NR1H4: variants seen among roughly 807,000 people sequenced by gnomAD.
The protein encoded by NR1H4 is bile acid receptor.
In NR1H4, 23 loss-of-function variants were observed where a neutral mutation model predicts 58.5. The observed-to-expected ratio is 0.39, with a 90% confidence interval of 0.28 to 0.56. The LOEUF (loss-of-function observed/expected upper bound fraction) is 0.56, where lower values mean the gene tolerates loss of function less well. NR1H4 is among the 20% of genes least tolerant of loss of function. The probability of loss-of-function intolerance (pLI) is 0.58; values close to 1 mark genes in which losing one functional copy is unlikely to be tolerated. For missense variants in NR1H4, 487 were observed against 576.9 expected, an observed-to-expected ratio of 0.84 and a Z score of 1.60; for synonymous variants, 214 against 198.0, an observed-to-expected ratio of 1.08 and a Z score of -0.68.
intron 4 of NR1H4, among the ~76,000 whole-genome samples, chr12:100,523,416 T>G (rs1386864034): frequency 2.0e-5 from 3 of 152,200 alleles, no homozygotes; most frequent in Admixed American, 6.5e-5. Flanking sequence ...GATTTTTCCC[T>G]TGCTGATTTA....
chr12:100,552,578 C>T (rs1955226911), intron 9 of NR1H4, among the ~76,000 whole-genome samples: 1 of 152,154 alleles, frequency 6.6e-6, no homozygotes, highest in Admixed American at 6.6e-5. Flanking sequence ...ATTTATTAAT[C>T]TCCTATTATG....
chr12:100,511,757 A>G (rs1464580422), intron 4 of NR1H4, among the ~76,000 whole-genome samples: 1 of 151,974 alleles, frequency 6.6e-6, no homozygotes, highest in Non-Finnish European at 1.5e-5. Flanking sequence ...TCTCGTCTCT[A>G]CTAAAAATAC....
chr12:100,487,953 G>C (rs1041459302), intron 1 of NR1H4, among the ~76,000 whole-genome samples: 2 of 151,704 alleles, frequency 1.3e-5, no homozygotes, highest in Non-Finnish European at 2.9e-5. Flanking sequence ...TCTACTTCAT[G>C]TGTTCTGCCA....
At chr12:100,531,571 A>G (rs947267741) in intron 4 of NR1H4, among the ~76,000 whole-genome samples, 1 of 152,268 alleles carries the variant, frequency 6.6e-6, no homozygotes, top group Non-Finnish European at 1.5e-5. Flanking sequence ...AAACCAGCTT[A>G]CAGAAATACT....
At position 100,493,193 on chromosome 12, in the gene NR1H4, C is replaced by T. The variant is rs56982562; in HGVS notation, c.-54-77C>T. ...CCATTTGTACTTTCGTAAACTATCT[C>T]GCTGTCTCCTTCCCCAGCTCTCCTA... On this transcript the variant is annotated intron_variant, in intron 2 of 10. Coordinates refer to ENST00000392986, the MANE Select transcript of NR1H4 (RefSeq NM_001206979.2). The T allele has an allele frequency of 7.0e-3, 4,773 of 682,616 alleles. 159 individuals carry two copies. The African/African-American group carries it at 0.076, about 11-fold the overall frequency. 42.3% of individuals were successfully genotyped at this position (682,616 alleles called of 1,614,324 possible). A position where few individuals can be genotyped will look rare whatever the true frequency, so the allele number is the denominator to read the frequency against.
chr12:100,541,986 T>A (rs61941829), intron 9 of NR1H4, among the ~76,000 whole-genome samples: 2 of 152,148 alleles, frequency 1.3e-5, no homozygotes, highest in Non-Finnish European at 2.9e-5. Context: ...ATTTTTCAAA[T>A]GGAAAAGCTG....
intron 3 of NR1H4, among the ~76,000 whole-genome samples, chr12:100,493,645 G>A (rs1328996281): frequency 1.3e-5 from 2 of 152,184 alleles, no homozygotes; most frequent in South Asian, 2.1e-4. Context: ...GCTCAAGGCC[G>A]CGAGGCTAGA....
chr12:100,490,055 T>C (rs1345479895), intron 1 of NR1H4, among the ~76,000 whole-genome samples: 2 of 152,204 alleles, frequency 1.3e-5, no homozygotes, highest in East Asian at 3.8e-4. Flanking sequence ...CCTAAGCTTT[T>C]GTGCCAATAG....
chr12:100,487,472 C>T (rs1328452106), intron 1 of NR1H4, among the ~76,000 whole-genome samples: 2 of 152,062 alleles, frequency 1.3e-5, no homozygotes, highest in Non-Finnish European at 2.9e-5. Flanking sequence ...TATCCTGCAT[C>T]CACCCTATCC....
At chr12:100,547,053 C>A (rs1296663784) in intron 9 of NR1H4, among the ~76,000 whole-genome samples, 2 of 152,120 alleles carry the variant, frequency 1.3e-5, no homozygotes, top group East Asian at 3.9e-4. Flanking sequence ...CTAGCCAATT[C>A]ACTCTTATAC....
At chr12:100,547,862 C>T (rs377696819) in intron 9 of NR1H4, among the ~76,000 whole-genome samples, 19 of 151,292 alleles carry the variant, frequency 1.3e-4, no homozygotes, top group South Asian at 2.1e-4. Flanking sequence ...CTGGGACTAC[C>T]GGGGCGTGCC....
intron 9 of NR1H4, among the ~76,000 whole-genome samples, chr12:100,556,016 G>T (rs1392766799): frequency 6.6e-6 from 1 of 152,076 alleles, no homozygotes; most frequent in Non-Finnish European, 1.5e-5. Context: ...GTCCACTGGG[G>T]TCAATTAAAA....
chr12:100,545,801 A>G (rs912946388), intron 9 of NR1H4, among the ~76,000 whole-genome samples: 1 of 152,072 alleles, frequency 6.6e-6, no homozygotes, highest in African/African-American at 2.4e-5. Flanking sequence ...TACAAGAAGC[A>G]GATATCAACA....
At chr12:100,505,745 A>G in intron 3 of NR1H4, 1 of 563,292 alleles carries the variant, frequency 1.8e-6, no homozygotes, top group Non-Finnish European at 3.1e-6. Context: ...TCCCTTTTAA[A>G]TTGTATCAAA....
chr12:100,504,139 A>G (rs1043458241), intron 3 of NR1H4, among the ~76,000 whole-genome samples: 10 of 152,222 alleles, frequency 6.6e-5, no homozygotes, highest in African/African-American at 2.4e-4. Context: ...ATAGTCCATG[A>G]AAAATCAGAT....
At chr12:100,529,634 C>T (rs763628070) in intron 4 of NR1H4, among the ~76,000 whole-genome samples, 1 of 152,098 alleles carries the variant, frequency 6.6e-6, no homozygotes, top group Non-Finnish European at 1.5e-5. Flanking sequence ...TGTGTTTGCT[C>T]ATTTTTCCGA....
chr12:100,552,840 G>A (rs1474603892), intron 9 of NR1H4, among the ~76,000 whole-genome samples: 2 of 152,020 alleles, frequency 1.3e-5, no homozygotes, highest in South Asian at 2.1e-4. Context: ...AACTGCTTGA[G>A]CCCCCAGGAG....
intron 6 of NR1H4, among the ~76,000 whole-genome samples, chr12:100,535,998 G>A (rs1191797774): frequency 2.0e-5 from 3 of 152,144 alleles, no homozygotes. Flanking sequence ...ATAAACAAAT[G>A]AGTGTGACTG....
intron 1 of NR1H4, among the ~76,000 whole-genome samples, chr12:100,491,434 C>T (rs960098928): frequency 2.7e-5 from 4 of 150,900 alleles, no homozygotes; most frequent in African/African-American, 9.8e-5. Context: ...TGCCTTATAC[C>T]TCAATGTTTC....
Sources: allele counts gnomAD v4.1 joint callset (sites outside exome capture counted in the v4.1 genomes callset), GRCh38; gene constraint gnomAD v4.1.1; transcripts MANE v1.5; gene names NCBI Gene and HGNC (gene_info 2026-07-23, HGNC 2026-07-21).